The following CEP128 variants were observed in gnomAD, a reference collection of about 807,000 sequenced individuals.
CEP128 encodes centrosomal protein 128kDa.
In CEP128, 132 loss-of-function variants were observed where a neutral mutation model predicts 156.7. That is an observed-to-expected ratio of 0.84 (90% CI 0.73 to 0.97). The LOEUF is 0.97. CEP128 is among the 50% of genes least tolerant of loss of function. CEP128 has a pLI of 0.00. For synonymous variants in CEP128, 469 were observed against 448.9 expected, an observed-to-expected ratio of 1.04 and a Z score of -0.57; for missense variants, 1,252 against 1,281.9, an observed-to-expected ratio of 0.98 and a Z score of 0.36.
intron 13 of CEP128, among the ~76,000 whole-genome samples, chr14:80,803,097 T>C (rs1017730918): frequency 3.3e-5 from 5 of 152,158 alleles, no homozygotes; most frequent in Non-Finnish European, 7.4e-5. Context: ...TGCTGAGACA[T>C]GAAGATGAAT....
At position 80,656,278 on chromosome 14, in the gene CEP128, TTTATATATATATTTATATATATATA is replaced by T. The variant is rs1895139802; in HGVS notation, c.2807-75880_2807-75856del. Among the ~76,000 whole-genome samples the T allele has an allele frequency of 8.8e-5, 2 of 22,778 alleles. 1 individual carries two copies. The highest frequency in any genetic ancestry group is 3.9e-4 in the African/African-American group (2 of 5,114). The allele number at this position is 22,778 out of a possible 152,430, so 14.9% of individuals were successfully genotyped here. On this transcript the variant is annotated intron_variant, in intron 19 of 24. Transcript: ENST00000555265. ...ATTTCTCAATAAACCTAAGTTTTTATTTATATATATATTTATATATATATATATATATATATATATATATATATAT... is the reference window on the plus strand; with the variant it reads ...ATTTCTCAATAAACCTAAGTTTTTATTATATATATATATATATATATATAT...
chr14:80,526,693 C>A, intron 23 of CEP128, 176 bp downstream of exon 23: 1 of 463,856 alleles, frequency 2.2e-6, no homozygotes. Context: ...GTGGTAGGCA[C>A]AAACTCTGGA....
chr14:80,709,930 T>A (rs550848638), intron 19 of CEP128, among the ~76,000 whole-genome samples: 2 of 151,398 alleles, frequency 1.3e-5, no homozygotes, highest in African/African-American at 2.4e-5. Context: ...TGTATCACTA[T>A]AACAAATCTA....
At chr14:80,675,365 T>C (rs973159222) in intron 19 of CEP128, among the ~76,000 whole-genome samples, 12 of 152,060 alleles carry the variant, frequency 7.9e-5, no homozygotes, top group African/African-American at 2.9e-4. Flanking sequence ...TTCAACTTTA[T>C]AAGATGTTTT....
At chr14:80,911,898 G>C (rs1262507667) in intron 4 of CEP128, among the ~76,000 whole-genome samples, 1 of 152,178 alleles carries the variant, frequency 6.6e-6, no homozygotes, top group Non-Finnish European at 1.5e-5. Context: ...GGAAATACCT[G>C]TTGAATTTAT....
chr14:80,729,058 G>GGGGGTGTGTGTGTGTGTGT (rs1898141728), intron 19 of CEP128, among the ~76,000 whole-genome samples: 1 of 105,024 alleles, frequency 9.5e-6, no homozygotes, highest in African/African-American at 5.0e-5. Flanking sequence ...GGCTGGTGGG[G>GGGGGTGTGTGTGTGTGTGT]GTGTGTGTGT....
At chr14:80,764,538 C>A (rs1219077329) in intron 16 of CEP128, among the ~76,000 whole-genome samples, 1 of 151,760 alleles carries the variant, frequency 6.6e-6, no homozygotes, top group African/African-American at 2.4e-5. Flanking sequence ...AAGAAAATTT[C>A]ATTATCCACT....
chr14:80,732,885 T>C (rs529037545), intron 19 of CEP128, among the ~76,000 whole-genome samples: 2 of 152,138 alleles, frequency 1.3e-5, no homozygotes, highest in South Asian at 2.1e-4. Context: ...GTAACCCTTG[T>C]AAGTATGAAG....
chr14:80,597,967 AAAAC>A (rs1892413179), intron 19 of CEP128, among the ~76,000 whole-genome samples: 1 of 116,524 alleles, frequency 8.6e-6, no homozygotes, highest in Non-Finnish European at 2.1e-5. Flanking sequence ...AAAAAAAAAA[AAAAC>A]AAAACCCTAT....
chr14:80,644,404 T>C (rs1238810631), intron 19 of CEP128, among the ~76,000 whole-genome samples: 1 of 152,098 alleles, frequency 6.6e-6, no homozygotes, highest in Non-Finnish European at 1.5e-5. Context: ...GCTGAATAAG[T>C]AGGGCCTGCA....
intron 8 of CEP128, among the ~76,000 whole-genome samples, chr14:80,873,779 C>T (rs758288250): frequency 1.3e-5 from 2 of 152,186 alleles, no homozygotes; most frequent in East Asian, 1.9e-4. Flanking sequence ...ATTATGGGGG[C>T]GGGTCTTTCC....
chr14:80,910,138 T>C (rs1884124388), intron 4 of CEP128, among the ~76,000 whole-genome samples: 1 of 152,230 alleles, frequency 6.6e-6, no homozygotes, highest in Admixed American at 6.5e-5. Context: ...ATATAATGTA[T>C]ATTAATATCT....
At chr14:80,516,356 C>T (rs1474268817) in intron 23 of CEP128, among the ~76,000 whole-genome samples, 1 of 152,166 alleles carries the variant, frequency 6.6e-6, no homozygotes, top group Non-Finnish European at 1.5e-5. Flanking sequence ...ACAAAGTCCT[C>T]TTTACTCTCC....
At chr14:80,883,021 G>T (rs1888623927) in intron 8 of CEP128, among the ~76,000 whole-genome samples, 1 of 152,024 alleles carries the variant, frequency 6.6e-6, no homozygotes, top group Non-Finnish European at 1.5e-5. Context: ...GAATTTAATT[G>T]TACATTTTAA....
chr14:80,745,345 CTTTTCTTTATAAATT>C (rs1899045322), intron 18 of CEP128, among the ~76,000 whole-genome samples: 1 of 152,162 alleles, frequency 6.6e-6, no homozygotes, highest in Non-Finnish European at 1.5e-5. Flanking sequence ...AATTAAACCT[CTTTTCTTTATAAATT>C]ACCCAGTCTC....
intron 19 of CEP128, among the ~76,000 whole-genome samples, chr14:80,694,541 AC>A (rs1896823637): frequency 6.6e-6 from 1 of 152,214 alleles, no homozygotes; most frequent in African/African-American, 2.4e-5. Flanking sequence ...AAAATGTGGC[AC>A]ATATACACCA....
chr14:80,955,131 C>A, intron 2 of CEP128: 1 of 195,006 alleles, frequency 5.1e-6, no homozygotes, highest in South Asian at 1.0e-4. Context: ...TGTCTCTGGC[C>A]AGGAGGAGCT....
Position 80,947,088 on chromosome 14 carries a change from C to T in CEP128, c.-171-7548G>A, listed in dbSNP as rs551592529. ...GGCCTCCCTAACCGTGCTTCCTGTA[C>T]AGCCAATAGAACTATGAGTCAATTA... On this transcript the variant is annotated intron_variant, in intron 2 of 7. Transcript: ENST00000555529. Among the ~76,000 whole-genome samples the T allele has an allele frequency of 3.3e-5, 5 of 152,278 alleles. No homozygotes were observed. The East Asian group carries it at 9.6e-4, about 29-fold the overall frequency.
intron 16 of CEP128, among the ~76,000 whole-genome samples, chr14:80,765,617 T>C (rs1595367231): frequency 6.6e-6 from 1 of 152,148 alleles, no homozygotes; most frequent in Admixed American, 6.6e-5. Flanking sequence ...CACAGATGCC[T>C]GGAGCTAGGG....
Sources: gnomAD v4.1 joint callset for allele counts (sites outside exome capture counted in the v4.1 genomes callset) on GRCh38, gnomAD v4.1.1 for gene constraint, MANE v1.5 for transcripts, NCBI Gene and HGNC (gene_info 2026-07-23, HGNC 2026-07-21) for gene names.